Variants in ARMH4 observed in about 807,000 individuals in gnomAD.
ARMH4 encodes the protein armadillo like helical domain containing 4.
A neutral mutation model predicts 61.9 loss-of-function variants in ARMH4; 49 were observed. That is an observed-to-expected ratio of 0.79 (90% CI 0.63 to 1.00). The LOEUF (loss-of-function observed/expected upper bound fraction) is 1.00, where lower values mean the gene tolerates loss of function less well. Ranked by LOEUF, ARMH4 falls within the 50% of genes least tolerant of loss-of-function variation. The pLI is 0.00. For missense variants in ARMH4, 934 were observed against 930.0 expected (o/e 1.00, Z -0.06); for synonymous variants, 368 against 341.5 (o/e 1.08, Z -0.85).
intron 4 of ARMH4, among the ~76,000 whole-genome samples, chr14:58,125,339 G>T (rs1886864988): frequency 6.6e-6 from 1 of 152,066 alleles, no homozygotes; most frequent in Non-Finnish European, 1.5e-5. Flanking sequence ...ACTTTTGCCT[G>T]CAGCTAACCA....
intron 5 of ARMH4, among the ~76,000 whole-genome samples, chr14:58,027,014 A>G (rs191208585): frequency 4.1e-4 from 63 of 152,258 alleles, no homozygotes; most frequent in Admixed American, 2.0e-3. Flanking sequence ...GGAGTGCTAA[A>G]TAAGTACTAG....
rs1405206815 is a variant in ARMH4, at chr14:58,007,299, C to G, written c.2122-2117G>C. 2.6e-5 allele frequency among the ~76,000 whole-genome samples: 4 copies of G among 152,286 alleles called. 1 individual carries two copies. In the South Asian group the frequency reaches 8.3e-4, roughly 32 times the overall value. ...TCACCATTTCTGCATTTCTTATTGA[C>G]ACACTTAAGCCTTTTACTTATGGAG... On this transcript the variant is annotated intron_variant, in intron 6 of 7. Coordinates refer to ENST00000267485, the MANE Select transcript of ARMH4 (RefSeq NM_001001872.4).
intron 4 of ARMH4, among the ~76,000 whole-genome samples, chr14:58,106,183 C>T (rs1886159735): frequency 6.6e-6 from 1 of 152,168 alleles, no homozygotes; most frequent in South Asian, 2.1e-4. Context: ...ACAGGAACGA[C>T]GGGCTCCTTG....
intron 5 of ARMH4, among the ~76,000 whole-genome samples, chr14:58,012,835 G>A (rs1024438048): frequency 6.6e-6 from 1 of 152,146 alleles, no homozygotes; most frequent in African/African-American, 2.4e-5. Flanking sequence ...ACAGCCATTT[G>A]GGAATACATA....
At chr14:58,129,125 TTGTGGTACTTAGTTA>T (rs1271387018) in intron 4 of ARMH4, among the ~76,000 whole-genome samples, 2 of 152,038 alleles carry the variant, frequency 1.3e-5, no homozygotes, top group Non-Finnish European at 2.9e-5. Flanking sequence ...GCCACCCAGT[TTGTGGTACTTAGTTA>T]TGACAGCCCT....
intron 5 of ARMH4, among the ~76,000 whole-genome samples, chr14:58,081,400 A>G (rs1811271268): frequency 6.6e-6 from 1 of 152,222 alleles, no homozygotes; most frequent in South Asian, 2.1e-4. Context: ...GTACAAAATG[A>G]GTAAAACAAT....
chr14:58,140,128 G>A (rs1445974542), intron 1 of ARMH4, among the ~76,000 whole-genome samples: 1 of 151,542 alleles, frequency 6.6e-6, no homozygotes, highest in African/African-American at 2.4e-5. Flanking sequence ...AATTAGCTGG[G>A]AGTGGGAGTG....
chr14:58,123,945 G>A (rs981157517), intron 4 of ARMH4, among the ~76,000 whole-genome samples: 3 of 152,214 alleles, frequency 2.0e-5, no homozygotes, highest in South Asian at 2.1e-4. Flanking sequence ...CAAACCAAAC[G>A]CTCAGCACTG....
chr14:58,027,934 A>G (rs1883079797), intron 5 of ARMH4, among the ~76,000 whole-genome samples: 1 of 152,210 alleles, frequency 6.6e-6, no homozygotes, highest in African/African-American at 2.4e-5. Context: ...AGTTTCCTTG[A>G]GCTCTTGATC....
At chr14:58,089,529 A>G (rs191551538) in intron 5 of ARMH4, among the ~76,000 whole-genome samples, 1 of 152,338 alleles carries the variant, frequency 6.6e-6, no homozygotes, top group East Asian at 1.9e-4. Flanking sequence ...TTCAAAACAC[A>G]TGCATCTTAT....
At chr14:58,008,461 G>A (rs1882267111) in intron 6 of ARMH4, among the ~76,000 whole-genome samples, 1 of 151,872 alleles carries the variant, frequency 6.6e-6, no homozygotes. Flanking sequence ...GTTTTTGTTT[G>A]GTTTTGAAGT....
intron 5 of ARMH4, among the ~76,000 whole-genome samples, chr14:58,063,609 TACAAAAA>T (rs367982400): frequency 0.63 from 95,543 of 151,998 alleles, 31,932 homozygotes; most frequent in African/African-American, 0.86. Flanking sequence ...CTACAGAAAC[TACAAAAA>T]ATATCATTTT....
intron 5 of ARMH4, among the ~76,000 whole-genome samples, chr14:58,023,857 T>C (rs1882929925): frequency 6.6e-6 from 1 of 152,222 alleles, no homozygotes; most frequent in Non-Finnish European, 1.5e-5. Context: ...AGTTCTTGGG[T>C]AACTAGGTAC....
At chr14:58,046,975 C>T (rs1337735257) in intron 5 of ARMH4, among the ~76,000 whole-genome samples, 3 of 152,136 alleles carry the variant, frequency 2.0e-5, no homozygotes, top group Non-Finnish European at 2.9e-5. Context: ...TGTTTTAGTG[C>T]ACCAGTCACT....
chr14:58,145,089 T>C (rs1426544196), intron 1 of ARMH4, among the ~76,000 whole-genome samples: 2 of 152,342 alleles, frequency 1.3e-5, no homozygotes, highest in East Asian at 1.9e-4. Flanking sequence ...GAAATCTTAC[T>C]AAACGTGTGG....
intron 4 of ARMH4, among the ~76,000 whole-genome samples, chr14:58,104,556 G>A (rs910880): frequency 0.51 from 77,848 of 151,792 alleles, 20,346 homozygotes; most frequent in Middle Eastern, 0.62. Context: ...TCTTTTTATG[G>A]GCCTACAATT....
intron 5 of ARMH4, among the ~76,000 whole-genome samples, chr14:58,096,133 C>G (rs1207088272): frequency 1.3e-5 from 2 of 152,150 alleles, no homozygotes; most frequent in Admixed American, 1.3e-4. Context: ...ATGGAGTGGT[C>G]TGGCCACCCT....
At position 58,138,366 on chromosome 14, in the gene ARMH4, TC is replaced by T; in HGVS notation, c.992del (p.Gly331GlufsTer8). 2 of 1,614,206 alleles carry T rather than the reference TC, an allele frequency of 1.2e-6. No individual in the cohort carries two copies. The highest frequency in any genetic ancestry group is 8.5e-7 in the Non-Finnish European group (1 of 1,180,026). ...TTCTCACCTGAGTCTCTTCATTGTCTCCAAGCTTGGGGGTCCTTATCCGGCT... is the reference window on the plus strand; with the variant it reads ...TTCTCACCTGAGTCTCTTCATTGTCTCAAGCTTGGGGGTCCTTATCCGGCT... ...SVSRIRTPKLGDNEETQVRTE... is the reference protein window; with the variant it reads ...SVSRIRTPKLXDNEETQVRTE... On this transcript the variant is annotated frameshift_variant, in exon 2 of 8. Transcript: ENST00000267485. LOFTEE classifies it high-confidence loss of function.
chr14:58,143,463 T>C (rs1472815875), intron 1 of ARMH4, among the ~76,000 whole-genome samples: 1 of 152,204 alleles, frequency 6.6e-6, no homozygotes, highest in Non-Finnish European at 1.5e-5. Context: ...TGTTTTTGTT[T>C]ATTTGTATGT....
Sources: gnomAD v4.1 joint callset for allele counts (sites outside exome capture counted in the v4.1 genomes callset) on GRCh38, gnomAD v4.1.1 for gene constraint, MANE v1.5 for transcripts, NCBI Gene and HGNC (gene_info 2026-07-23, HGNC 2026-07-21) for gene names.